FAAH2: variants seen among roughly 807,000 people sequenced by gnomAD.
FAAH2 encodes the protein fatty-acid amide hydrolase 2.
Under a neutral mutation model 36.9 loss-of-function variants are expected in FAAH2, and 60 were observed. The observed-to-expected ratio is 1.63, with a 90% CI of 1.32 to 2.02. FAAH2 has a LOEUF of 2.02. Among genes scored for constraint, FAAH2 ranks in the 30% most tolerant of loss-of-function variants. The probability of loss-of-function intolerance (pLI) is 0.00; values close to 1 mark genes in which losing one functional copy is unlikely to be tolerated. For missense variants in FAAH2, 689 were observed against 397.5 expected, an observed-to-expected ratio of 1.73 and a Z score of -6.23; for synonymous variants, 214 against 143.8, an observed-to-expected ratio of 1.49 and a Z score of -3.49.
chrX:57,340,703 A>G (rs1261324966), intron 4 of FAAH2, among the ~76,000 whole-genome samples: 2 of 111,904 alleles, frequency 1.8e-5, no homozygotes, highest in Non-Finnish European at 3.8e-5. Flanking sequence ...AGAAAAGCAA[A>G]CACAGCATGT....
chrX:57,149,555 A>G, the FAAH2 span, among the ~76,000 whole-genome samples: 1 of 111,714 alleles, frequency 9.0e-6, no homozygotes, highest in African/African-American at 3.3e-5. Flanking sequence ...AGAGGTGTTC[A>G]TAGTATTCTC....
chrX:57,323,876 T>C (rs1001824566), intron 3 of FAAH2, among the ~76,000 whole-genome samples: 4 of 111,276 alleles, frequency 3.6e-5, no homozygotes, highest in Non-Finnish European at 5.7e-5. Context: ...TGGCTTTTGC[T>C]GCCATTGCTT....
At chrX:57,338,487 G>A (rs1415179332) in intron 4 of FAAH2, among the ~76,000 whole-genome samples, 1 of 111,612 alleles carries the variant, frequency 9.0e-6, no homozygotes, top group Non-Finnish European at 1.9e-5. Flanking sequence ...TGATTCTTCA[G>A]TTACTTCAGG....
chrX:57,312,127 CA>C (rs1433667337), intron 3 of FAAH2, among the ~76,000 whole-genome samples: 1 of 112,484 alleles, frequency 8.9e-6, no homozygotes, highest in African/African-American at 3.2e-5. Context: ...CCATTGATCA[CA>C]GGGGGCTCTC....
intron 10 of FAAH2, among the ~76,000 whole-genome samples, chrX:57,457,841 A>G (rs1402815284): frequency 8.9e-6 from 1 of 111,844 alleles, no homozygotes; most frequent in Non-Finnish European, 1.9e-5. Flanking sequence ...ATATATTGGA[A>G]GAATCCACAT....
At chrX:57,342,199 C>A (rs1300060647) in intron 5 of FAAH2, among the ~76,000 whole-genome samples, 1 of 111,615 alleles carries the variant, frequency 9.0e-6, no homozygotes, top group Non-Finnish European at 1.9e-5. Flanking sequence ...TGAAAAAGAA[C>A]AAGATCATTT....
At chrX:57,414,194 C>T (rs749838412) in intron 7 of FAAH2, among the ~76,000 whole-genome samples, 1 of 111,869 alleles carries the variant, frequency 8.9e-6, no homozygotes, top group South Asian at 3.7e-4. Flanking sequence ...TATTTGAATA[C>T]CTTGTATTTC....
chrX:57,317,030 G>A (rs1434816973), intron 3 of FAAH2, among the ~76,000 whole-genome samples: 9 of 111,677 alleles, frequency 8.1e-5, no homozygotes, highest in African/African-American at 2.6e-4. Context: ...AGGAACTTAA[G>A]CAAATCAACA....
intron 8 of FAAH2, among the ~76,000 whole-genome samples, chrX:57,432,266 TTGA>T (rs2056320599): frequency 9.0e-6 from 1 of 111,521 alleles, no homozygotes; most frequent in South Asian, 3.7e-4. Context: ...TGAAGGCTTC[TTGA>T]TGGAGGAATT....
At chrX:57,199,072 A>T in the FAAH2 span, among the ~76,000 whole-genome samples, 4 of 106,265 alleles carry the variant, frequency 3.8e-5, no homozygotes, top group South Asian at 1.7e-3. Context: ...GAGTCTCCAC[A>T]CACTCTTCTG....
the FAAH2 span, among the ~76,000 whole-genome samples, chrX:57,210,228 T>A: frequency 9.0e-6 from 1 of 111,553 alleles, no homozygotes; most frequent in African/African-American, 3.3e-5. Flanking sequence ...CTGTGTAGAC[T>A]TCTAGTCTGC....
the FAAH2 span, among the ~76,000 whole-genome samples, chrX:57,154,925 G>T: frequency 4.5e-5 from 5 of 110,702 alleles, no homozygotes; most frequent in African/African-American, 1.6e-4. Flanking sequence ...GAGCTGAACT[G>T]TAGTGATCGT....
intron 7 of FAAH2, among the ~76,000 whole-genome samples, chrX:57,384,948 C>G (rs1267884662): frequency 9.0e-6 from 1 of 111,260 alleles, no homozygotes; most frequent in Non-Finnish European, 1.9e-5. Flanking sequence ...TACTATGCAG[C>G]CAGAAAAAAT....
intron 10 of FAAH2, among the ~76,000 whole-genome samples, chrX:57,477,302 C>T (rs1339622909): frequency 7.3e-5 from 8 of 110,084 alleles, no homozygotes; most frequent in Non-Finnish European, 1.5e-4. Context: ...AATTACACTG[C>T]TACATATTCA....
At chrX:57,391,337 T>A (rs1247221828) in intron 7 of FAAH2, among the ~76,000 whole-genome samples, 2 of 111,911 alleles carry the variant, frequency 1.8e-5, no homozygotes, top group Non-Finnish European at 3.8e-5. Flanking sequence ...TCCATTTGTG[T>A]ACTTTTGTTT....
the FAAH2 span, among the ~76,000 whole-genome samples, chrX:57,204,699 C>T: frequency 8.9e-6 from 1 of 112,476 alleles, no homozygotes; most frequent in Non-Finnish European, 1.9e-5. Flanking sequence ...TCTGTAGATG[C>T]TGTTCAACTG....
the FAAH2 span, among the ~76,000 whole-genome samples, chrX:57,163,696 G>A: frequency 8.9e-6 from 1 of 112,367 alleles, no homozygotes; most frequent in African/African-American, 3.2e-5. Context: ...TCTCAAGTGA[G>A]GCAATGCCTC....
chrX:57,170,646 A>T, the FAAH2 span, among the ~76,000 whole-genome samples: 2 of 107,705 alleles, frequency 1.9e-5, no homozygotes, highest in African/African-American at 6.9e-5. Flanking sequence ...TGTTTTTGCA[A>T]ACCTGTGGTG....
intron 5 of FAAH2, among the ~76,000 whole-genome samples, chrX:57,346,328 T>C (rs1199152050): frequency 2.7e-5 from 3 of 111,899 alleles, no homozygotes; most frequent in Admixed American, 9.5e-5. Context: ...ATATATAAGA[T>C]AATTCAGTCT....
Sources: gnomAD v4.1 joint callset for allele counts (sites outside exome capture counted in the v4.1 genomes callset) on GRCh38, gnomAD v4.1.1 for gene constraint, MANE v1.5 for transcripts, NCBI Gene and HGNC (gene_info 2026-07-23, HGNC 2026-07-21) for gene names.